Variants in GPR89B observed in about 807,000 individuals in gnomAD.
GPR89B encodes the protein G protein-coupled receptor 89B.
In GPR89B, 25 loss-of-function variants were observed where a neutral mutation model predicts 52.4. That is an observed-to-expected ratio of 0.48 (90% CI 0.35 to 0.67). The LOEUF (loss-of-function observed/expected upper bound fraction) is 0.67, where lower values mean the gene tolerates loss of function less well. GPR89B is among the 30% of genes least tolerant of loss of function. GPR89B has a pLI of 0.01. For synonymous variants in GPR89B, 52 were observed against 151.2 expected, an observed-to-expected ratio of 0.34 and a Z score of 4.81; for missense variants, 146 against 450.2, an observed-to-expected ratio of 0.32 and a Z score of 6.11.
chr1:147,950,453 G>T (rs1655561303), intron 5 of GPR89B, among the ~76,000 whole-genome samples: 1 of 151,638 alleles, frequency 6.6e-6, no homozygotes, highest in South Asian at 2.1e-4. Flanking sequence ...TTCCAGACTG[G>T]GTAGCCAGGC....
At chr1:148,011,364 A>G in the GPR89B span, 4 of 152,100 alleles carry the variant, frequency 2.6e-5, no homozygotes, top group South Asian at 2.1e-4. Flanking sequence ...GGTTTGCTGC[A>G]GTTTGGAGTA....
chr1:147,956,954 G>A (rs1656164452), intron 7 of GPR89B, among the ~76,000 whole-genome samples: 1 of 151,838 alleles, frequency 6.6e-6, no homozygotes, highest in African/African-American at 2.4e-5. Flanking sequence ...GACCAGGCTG[G>A]TCTCAAACTC....
chr1:147,962,217 A>C (rs1656631935), intron 7 of GPR89B, among the ~76,000 whole-genome samples: 1 of 151,150 alleles, frequency 6.6e-6, no homozygotes, highest in Non-Finnish European at 1.5e-5. Context: ...TGAGGTCAGG[A>C]GTTTGAGACC....
At chr1:148,019,123 C>G in the GPR89B span, among the ~76,000 whole-genome samples, 6 of 151,264 alleles carry the variant, frequency 4.0e-5, no homozygotes, top group Non-Finnish European at 8.8e-5. Flanking sequence ...ACTATAGGCA[C>G]GCGCCACCAT....
chr1:148,017,810 G>A, the GPR89B span, among the ~76,000 whole-genome samples: 4 of 150,112 alleles, frequency 2.7e-5, no homozygotes, highest in Non-Finnish European at 4.4e-5. Flanking sequence ...AGAACAATGT[G>A]TGTTCTCCCC....
intron 10 of GPR89B, among the ~76,000 whole-genome samples, chr1:147,973,435 T>G (rs1251423124): frequency 1.3e-5 from 2 of 151,780 alleles, no homozygotes; most frequent in Non-Finnish European, 2.9e-5. Flanking sequence ...GAGCTTTTTT[T>G]CATACGTTTG....
At chr1:147,959,285 A>C (rs1656360579) in intron 7 of GPR89B, among the ~76,000 whole-genome samples, 1 of 152,098 alleles carries the variant, frequency 6.6e-6, no homozygotes, top group African/African-American at 2.4e-5. Context: ...TTTTGTAGAG[A>C]TAGGAGGAAG....
the GPR89B span, among the ~76,000 whole-genome samples, chr1:148,000,775 TAAAAAAA>T: frequency 1.4e-5 from 1 of 72,546 alleles, no homozygotes; most frequent in Non-Finnish European, 3.1e-5. Flanking sequence ...GTGTTAAAAG[TAAAAAAA>T]AAAAAAAAAA....
chr1:148,019,143 A>T, the GPR89B span, among the ~76,000 whole-genome samples: 4 of 150,028 alleles, frequency 2.7e-5, no homozygotes, highest in Middle Eastern at 3.2e-3. Flanking sequence ...TGCCCAGCTA[A>T]TTTTTGTATT....
intron 7 of GPR89B, among the ~76,000 whole-genome samples, chr1:147,959,448 T>C (rs1656373636): frequency 6.6e-6 from 1 of 152,074 alleles, no homozygotes; most frequent in East Asian, 1.9e-4. Context: ...TTGAAGTTAC[T>C]GGAAAATGAG....
chr1:147,958,453 A>G (rs1272310693), intron 7 of GPR89B, among the ~76,000 whole-genome samples: 9 of 149,490 alleles, frequency 6.0e-5, no homozygotes, highest in Non-Finnish European at 1.5e-5. Flanking sequence ...AGCCTGGCCA[A>G]CATGGCAAAA....
chr1:147,962,423 CAAA>C (rs1176963367), intron 7 of GPR89B, among the ~76,000 whole-genome samples: 5 of 80,928 alleles, frequency 6.2e-5, no homozygotes, highest in Non-Finnish European at 7.6e-5. Context: ...AACTCTGTCT[CAAA>C]AAAAAAAAAA....
the GPR89B span, among the ~76,000 whole-genome samples, chr1:148,006,663 T>C: frequency 6.6e-6 from 1 of 152,118 alleles, no homozygotes; most frequent in Admixed American, 6.5e-5. Flanking sequence ...CATACAGTAT[T>C]TTTTCTTTCC....
chr1:147,985,797 T>G (rs1658620681), intron 10 of GPR89B, among the ~76,000 whole-genome samples: 1 of 152,240 alleles, frequency 6.6e-6, no homozygotes, highest in Non-Finnish European at 1.5e-5. Flanking sequence ...GTTGACTTAT[T>G]AGCTATAACT....
the GPR89B span, among the ~76,000 whole-genome samples, chr1:148,002,726 C>A: frequency 6.9e-4 from 105 of 152,254 alleles, 3 homozygotes; most frequent in South Asian, 0.021. Context: ...CATAGAAGTA[C>A]CCTTGTCACT....
rs1288963837 is a variant in GPR89B at position 147,962,313 on chromosome 1, A to G, written c.618-4241A>G. On this transcript the variant is annotated intron_variant, in intron 7 of 13. Transcript: ENST00000314163. ...GTGGCATGCGCCTGTAGTCCCAGCT[A>G]CTTGGGAGGTTGAGACAGAAGAATT... Among the ~76,000 whole-genome samples the G allele has an allele frequency of 1.6e-3, 237 of 151,628 alleles. 4 individuals are homozygous for G. Among genetic ancestry groups the G allele is most frequent in the African/African-American group, 5.4e-3 (223 of 41,134 alleles).
chr1:147,962,896 A>G (rs1656710202), intron 7 of GPR89B, among the ~76,000 whole-genome samples: 1 of 136,790 alleles, frequency 7.3e-6, no homozygotes, highest in African/African-American at 2.8e-5. Flanking sequence ...ACTCCGTCTC[A>G]AAAAAAAAAA....
chr1:147,950,919 C>A (rs1475500969), intron 5 of GPR89B, among the ~76,000 whole-genome samples: 4 of 151,452 alleles, frequency 2.6e-5, no homozygotes, highest in African/African-American at 4.9e-5. Context: ...AGTGGGAGAC[C>A]GTGGAAAGAG....
At chr1:147,994,933 G>A (rs1248295543), downstream of GPR89B, among the ~76,000 whole-genome samples, 1 of 152,102 alleles carries the variant, frequency 6.6e-6, no homozygotes, top group Non-Finnish European at 1.5e-5. Flanking sequence ...ACTTGGATAA[G>A]TCAGTTTACT....
Sources: gnomAD v4.1 joint callset for allele counts (sites outside exome capture counted in the v4.1 genomes callset) on GRCh38, gnomAD v4.1.1 for gene constraint, MANE v1.5 for transcripts, NCBI Gene and HGNC (gene_info 2026-07-23, HGNC 2026-07-21) for gene names.